AMPD2: variants seen among roughly 807,000 people sequenced by gnomAD.
The protein encoded by AMPD2 is AMP deaminase 2.
In AMPD2, 52 loss-of-function variants were observed where a neutral mutation model predicts 91.3. The ratio of observed to expected loss-of-function variants is 0.57; its 90% CI spans 0.46 to 0.72. The LOEUF (loss-of-function observed/expected upper bound fraction) is 0.72. Ranked by LOEUF, AMPD2 falls within the 30% of genes least tolerant of loss-of-function variation. AMPD2 has a pLI of 0.00. For synonymous variants in AMPD2, 455 were observed against 456.4 expected, an observed-to-expected ratio of 1.00 and a Z score of 0.04; for missense variants, 822 against 1,122.3, an observed-to-expected ratio of 0.73 and a Z score of 3.82.
At position 109,627,295 on chromosome 1, in the gene AMPD2, C is replaced by T. The variant is rs1345434956; in HGVS notation, c.839C>T (p.Thr280Ile). The T allele has an allele frequency of 5.0e-6, 8 of 1,605,148 alleles. No individual in the cohort carries two copies. The highest frequency in any genetic ancestry group is 1.3e-5 in the African/African-American group (1 of 74,778). Residue 280 changes from threonine to isoleucine, a missense_variant, in exon 8 of 19, where the codon ACC becomes ATC. This residue lies in a region of AMPD2 where 240 missense variants were observed against 270.3 expected (regional missense o/e 0.89). Transcript: ENST00000528667. ...RMVRGVVHVY[T>I]RREPDEHCSE... ...GTGCGGGGTGTGGTGCACGTCTACA[C>T]CCGCAGGGAACCCGACGAGCAGTAA... is the stretch of plus-strand genomic sequence containing the variant.
intron 9 of AMPD2, 83 bp downstream of exon 9, chr1:109,627,601 C>G: frequency 6.4e-7 from 1 of 1,557,252 alleles, no homozygotes; most frequent in Non-Finnish European, 8.8e-7. Flanking sequence ...ACTCCCATCA[C>G]CTGGTGTCTT....
intron 2 of AMPD2, chr1:109,623,901 C>CT: frequency 1.6e-6 from 1 of 611,784 alleles, no homozygotes; most frequent in East Asian, 1.4e-4. Context: ...TCTGATGCTC[C>CT]TTCCCTTGGT....
At position 109,620,031 on chromosome 1, in the gene AMPD2, G is replaced by T. The variant is rs1009996701; in HGVS notation, c.-510G>T. The T allele has an allele frequency of 1.8e-6, 1 of 556,720 alleles. No individual in the cohort carries two copies. Among genetic ancestry groups the T allele is most frequent in the Admixed American group, 3.0e-5 (1 of 33,100 alleles). The allele number at this position is 556,720 out of a possible 1,614,324, so 34.5% of individuals were successfully genotyped here. A position where few individuals can be genotyped will look rare whatever the true frequency, so the allele number is the denominator to read the frequency against. Reference sequence around the variant, plus strand: ...AGCCTCTCGATTGCAGGGTTGGGTGGTCGCGACACCGGGGTCGCCTTGAGG... The same window carrying T: ...AGCCTCTCGATTGCAGGGTTGGGTGTTCGCGACACCGGGGTCGCCTTGAGG... On this transcript the variant is annotated 5_prime_UTR_variant, in exon 1 of 19. Coordinates refer to ENST00000528667, the MANE Select transcript of AMPD2 (RefSeq NM_001368809.2).
intron 2 of AMPD2, among the ~76,000 whole-genome samples, chr1:109,622,882 G>C (rs556327077): frequency 5.9e-5 from 9 of 152,170 alleles, no homozygotes; most frequent in Non-Finnish European, 1.2e-4. Flanking sequence ...CATATGTAGG[G>C]AGGAGGTGTG....
rs1650128603 is a variant in AMPD2 at position 109,620,240 on chromosome 1, G to A, written c.-301G>A. 1 of 1,614,110 alleles carries A rather than the reference G, an allele frequency of 6.2e-7. No individual in the cohort carries two copies. ...GCTTTCTGCTGTACAGACTTCTCGT[G>A]GGCAGCCTCCCCTCGGAACTCGGGC... On this transcript the variant is annotated 5_prime_UTR_variant, in exon 1 of 19. Coordinates refer to ENST00000528667, the MANE Select transcript of AMPD2 (RefSeq NM_001368809.2).
chr1:109,628,462 G>T lies in AMPD2; in HGVS notation c.1374G>T (p.Arg458Ser), dbSNP rs1436950579. 1.9e-6 allele frequency: 3 copies of T among 1,613,080 alleles called. No individual in the cohort carries two copies. The African/African-American group carries it at 4.0e-5, about 22-fold the overall frequency. Reference protein sequence around the residue: ...LREIFIKTDNRVSGKYFAHII... With the variant: ...LREIFIKTDNSVSGKYFAHII... ...AGATCTTCATCAAGACGGACAACAG[G>T]GTATCTGGGAAGTACTTTGCTCACA... Residue 458 changes from arginine to serine, a missense_variant, in exon 12 of 19, where the codon AGG becomes AGT. Coordinates refer to ENST00000528667, the MANE Select transcript of AMPD2 (RefSeq NM_001368809.2). The surrounding 1 kb of genome is among the most constrained non-coding windows in gnomAD (Gnocchi z 7.1).
At chr1:109,627,377 GA>G in intron 8 of AMPD2, 51 bp from the exon 9 acceptor site, 1 of 1,613,692 alleles carries the variant, frequency 6.2e-7, no homozygotes, top group Non-Finnish European at 8.5e-7. Context: ...TGGCTTGGGA[GA>G]GGCCACAGGG....
intron 2 of AMPD2, chr1:109,622,196 AAGGTCTCTACTGTCCTG>A (rs755368735): frequency 2.2e-6 from 1 of 456,204 alleles, no homozygotes; most frequent in South Asian, 1.5e-5. Flanking sequence ...TGACTGGTGC[AAGGTCTCTACTGTCCTG>A]AGGGTGTTCT....
rs1266975354 is a variant in AMPD2 at position 109,624,052 on chromosome 1, G to T, written c.92-1251G>T. On this transcript the variant is annotated intron_variant, in intron 2 of 18. Transcript: ENST00000528667. This position sits in a 1 kb window ranked among gnomAD's most constrained non-coding sequence, Gnocchi z 5.2. ...TCACTGGCAAACAGGCGGGCAAGGGGCACAGGGCTGCTGGCCGGAGCTGCC... is the reference window on the plus strand; with the variant it reads ...TCACTGGCAAACAGGCGGGCAAGGGTCACAGGGCTGCTGGCCGGAGCTGCC... 5.1e-6 allele frequency: 5 copies of T among 985,566 alleles called. No individual in the cohort carries two copies. The highest frequency in any genetic ancestry group is 6.0e-6 in the Non-Finnish European group (5 of 830,128). 61.1% of individuals were successfully genotyped at this position (985,566 alleles called of 1,614,324 possible). A position where few individuals can be genotyped will look rare whatever the true frequency, so the allele number is the denominator to read the frequency against.
chr1:109,621,028 C>T lies in AMPD2; in HGVS notation c.-148C>T. The stretch of plus-strand genomic sequence containing the variant: ...GCCTAGACAACATGAGAAATCGTGG[C>T]CAGGGCCTCTTCCGCCTGCGGAGCC... On this transcript the variant is annotated 5_prime_UTR_variant, in exon 2 of 19. Transcript: ENST00000528667. The T allele has an allele frequency of 6.3e-7, 1 of 1,596,260 alleles. No homozygotes were observed. Among genetic ancestry groups the T allele is most frequent in the Non-Finnish European group, 8.5e-7 (1 of 1,171,600 alleles).
In AMPD2 at chr1:109,629,803, G is replaced by C. The variant is rs1209295497; in HGVS notation, c.1870G>C (p.Gly624Arg). ...TGTCTTCATGTCCCCCAGGCAGAGGGGCTTCCACACGTTTGTGCTGAGGCC... is the reference window on the plus strand; with the variant it reads ...TGTCTTCATGTCCCCCAGGCAGAGGCGCTTCCACACGTTTGTGCTGAGGCC... ...AMLNHLRRQR[G>R]FHTFVLRPHC... The change falls in exon 16 of 19, where the codon GGC becomes CGC. Residue 624 changes from glycine to arginine, a missense_variant. Physicochemically the swap from Gly to Arg is moderately radical, Grantham distance 125 (BLOSUM62 -2). Transcript: ENST00000528667. The C allele has an allele frequency of 1.9e-5, 30 of 1,597,244 alleles. No individual in the cohort carries two copies. Among genetic ancestry groups the C allele is most frequent in the Non-Finnish European group, 2.5e-5 (29 of 1,169,198 alleles).
intron 6 of AMPD2, 109 bp from the exon 7 acceptor site, chr1:109,626,617 G>T (rs550556212): frequency 1.4e-6 from 2 of 1,456,008 alleles, no homozygotes; most frequent in East Asian, 2.3e-5. Flanking sequence ...TGTTCCTGGG[G>T]GTCAGGGCCT....
rs1212699107 is a variant in AMPD2 at position 109,626,912 on chromosome 1, G to A, written c.718G>A (p.Asp240Asn). The change falls in exon 7 of 19, where the codon GAT (aspartate) becomes AAT (asparagine). Residue 240 changes from aspartate (D) to asparagine (N), a missense_variant and splice_region_variant. Asp to Asn is a conservative substitution (Grantham distance 23). Around this residue, in one of 5 missense-constraint regions of AMPD2, gnomAD observed 240 missense variants for 270.3 expected, o/e 0.89. Coordinates refer to ENST00000528667, the MANE Select transcript of AMPD2 (RefSeq NM_001368809.2). ...GGGCCCCGACACCCCTGTGTCTGCT[G>A]GTGGGACTCCCCATCTCTGCCCCAT... ...EQGPDTPVSA[D>N]APVHPPALEQ... The A allele has an allele frequency of 6.2e-7, 1 of 1,611,332 alleles. No individual in the cohort carries two copies. The highest frequency in any genetic ancestry group is 1.7e-5 in the Admixed American group (1 of 59,816).
intron 2 of AMPD2, chr1:109,622,181 G>T (rs1220146430): frequency 6.6e-6 from 3 of 453,986 alleles, no homozygotes; most frequent in African/African-American, 2.0e-5. Context: ...TTGTTTCATT[G>T]AAGATGACTG....
chr1:109,626,755 C>T lies in AMPD2; in HGVS notation c.561C>T (p.Ala187=), dbSNP rs1425316585. 6.2e-7 allele frequency: 1 copy of T among 1,613,802 alleles called. No individual in the cohort carries two copies. The highest frequency in any genetic ancestry group is 8.5e-7 in the Non-Finnish European group (1 of 1,179,830). The change falls in exon 7 of 19, where the codon GCC becomes GCT. Residue 187 remains alanine (A), a synonymous_variant. Transcript: ENST00000528667. ...CGTTCACAGACCTGCTGGATGCAGC[C>T]AAGAGTGTGGTGCGGGCGCTCTTCA... is the stretch of plus-strand genomic sequence containing the variant. The part of the protein sequence containing the change: ...GVPFTDLLDA[A]KSVVRALFIR...
In AMPD2 at chr1:109,625,202, G is replaced by C; in HGVS notation, c.92-101G>C. ...CTGAGGAGGGACTGCCCTCTTTCCC[G>C]ACCCTGGGCTCTCTCGGGAGCTGGC... On this transcript the variant is annotated intron_variant, in intron 2 of 18. Transcript: ENST00000528667. This position sits in a 1 kb window ranked among gnomAD's most constrained non-coding sequence, Gnocchi z 4.0. 2 of 1,506,188 alleles carry C rather than the reference G, an allele frequency of 1.3e-6. No individual in the cohort carries two copies. The highest frequency in any genetic ancestry group is 1.8e-6 in the Non-Finnish European group (2 of 1,118,864). The allele number at this position is 1,506,188 out of a possible 1,614,324, so 93.3% of individuals were successfully genotyped here.
In AMPD2 at chr1:109,620,323, G is replaced by C. The variant is rs747159121; in HGVS notation, c.-263+45G>C. 1.9e-6 allele frequency: 3 copies of C among 1,611,728 alleles called. No individual in the cohort carries two copies. The South Asian group carries it at 3.3e-5, about 18-fold the overall frequency. On this transcript the variant is annotated intron_variant, in intron 1 of 18. Transcript: ENST00000528667. ...TTGGAGGGAGGGTCTCTGGGACAGAGAAGTGCTGTGGCCAGAGTGACAAGA... is the reference window on the plus strand; with the variant it reads ...TTGGAGGGAGGGTCTCTGGGACAGACAAGTGCTGTGGCCAGAGTGACAAGA...
rs758065924 is a variant in AMPD2 at position 109,628,055 on chromosome 1, G to C, written c.1081-28G>C. On this transcript the variant is annotated intron_variant, in intron 10 of 18. Transcript: ENST00000528667. The surrounding 1 kb of genome is among the most constrained non-coding windows in gnomAD (Gnocchi z 7.1). ...GCCCCAGACCTTCCTGGCCTCTGGT[G>C]GATCAGCAGTGCCCTGTTCCATTCC... is the stretch of plus-strand genomic sequence containing the variant. 1 of 1,606,438 alleles carries C rather than the reference G, an allele frequency of 6.2e-7. No homozygotes were observed. Among genetic ancestry groups the C allele is most frequent in the East Asian group, 2.2e-5 (1 of 44,750 alleles).
At position 109,628,003 on chromosome 1, in the gene AMPD2, G is replaced by C; in HGVS notation, c.1081-80G>C. 1 of 1,599,120 alleles carries C rather than the reference G, an allele frequency of 6.3e-7. No individual in the cohort carries two copies. Among genetic ancestry groups the C allele is most frequent in the Non-Finnish European group, 8.5e-7 (1 of 1,171,596 alleles). On this transcript the variant is annotated intron_variant, in intron 10 of 18. Transcript: ENST00000528667. This position sits in a 1 kb window ranked among gnomAD's most constrained non-coding sequence, Gnocchi z 7.1. The stretch of plus-strand genomic sequence containing the variant: ...CCCCCCACACAGCATCCAGTACAGA[G>C]GGTCCTTTCCCATTGCACTGCCCCA...
Sources: allele counts gnomAD v4.1 joint callset (sites outside exome capture counted in the v4.1 genomes callset), GRCh38; gene constraint gnomAD v4.1.1; regional missense constraint gnomAD v4.1.1; non-coding constraint Gnocchi (gnomAD v3.1); transcripts MANE v1.5; gene names NCBI Gene and HGNC (gene_info 2026-07-23, HGNC 2026-07-21).